Variants in PDE4B observed in about 807,000 individuals in gnomAD.
PDE4B encodes the protein phosphodiesterase 4B.
In PDE4B, 20 loss-of-function variants were observed where a neutral mutation model predicts 82.2. That is an observed-to-expected ratio of 0.24 (90% CI 0.17 to 0.35). The LOEUF (loss-of-function observed/expected upper bound fraction) is 0.35, where lower values mean the gene tolerates loss of function less well. PDE4B is among the 10% of genes least tolerant of loss of function. PDE4B has a pLI of 1.00. For synonymous variants in PDE4B, 320 were observed against 318.9 expected, an observed-to-expected ratio of 1.00 and a Z score of -0.04; for missense variants, 655 against 907.2, an observed-to-expected ratio of 0.72 and a Z score of 3.57.
rs182911054 is a variant in PDE4B, at chr1:65,939,737, T to A, written c.281+20902T>A. Among the ~76,000 whole-genome samples the A allele has an allele frequency of 1.0e-3, 158 of 152,208 alleles. 2 individuals are homozygous for A. The highest frequency in any genetic ancestry group is 7.7e-4 in the East Asian group (4 of 5,168). On this transcript the variant is annotated intron_variant, in intron 3 of 16. Transcript: ENST00000341517. ...ATAATTATTCAAAATAAGTACTAGT[T>A]GTAATTTATATGCAAGGAAAAGCTT...
intron 1 of PDE4B, among the ~76,000 whole-genome samples, chr1:65,883,607 G>A (rs1270030985): frequency 1.3e-5 from 2 of 152,230 alleles, no homozygotes; most frequent in South Asian, 2.1e-4. Context: ...TGCAAACAGG[G>A]AGAATTTGAC....
At chr1:66,238,281 A>G (rs1652620541) in intron 3 of PDE4B, among the ~76,000 whole-genome samples, 1 of 152,204 alleles carries the variant, frequency 6.6e-6, no homozygotes, top group Non-Finnish European at 1.5e-5. Flanking sequence ...ATGTTCTGGA[A>G]CAGAAAGGAA....
At chr1:66,266,382 C>T (rs903583256) in intron 7 of PDE4B, among the ~76,000 whole-genome samples, 7 of 152,192 alleles carry the variant, frequency 4.6e-5, no homozygotes, top group Admixed American at 3.3e-4. Context: ...GTTGTATTGA[C>T]AGTGCAGCTT....
At chr1:66,144,010 C>A (rs1267608637) in intron 3 of PDE4B, among the ~76,000 whole-genome samples, 1 of 152,238 alleles carries the variant, frequency 6.6e-6, no homozygotes, top group East Asian at 1.9e-4. Flanking sequence ...TTTGCTTAAA[C>A]CACTGTAACC....
At chr1:66,051,848 A>G (rs1655045309) in intron 3 of PDE4B, among the ~76,000 whole-genome samples, 1 of 152,156 alleles carries the variant, frequency 6.6e-6, no homozygotes. Flanking sequence ...AGACAAGGTG[A>G]TGTAGCATCC....
intron 7 of PDE4B, among the ~76,000 whole-genome samples, chr1:66,296,183 TC>T: frequency 6.6e-6 from 1 of 152,278 alleles, no homozygotes; most frequent in East Asian, 1.9e-4. Flanking sequence ...TGTTTTTCTT[TC>T]CCACTAGACT....
intron 7 of PDE4B, among the ~76,000 whole-genome samples, chr1:66,303,125 G>T (rs1249555167): frequency 2.0e-5 from 3 of 151,968 alleles, no homozygotes; most frequent in African/African-American, 7.3e-5. Flanking sequence ...TTTCACCATT[G>T]TAACCACAAC....
chr1:66,056,374 T>A (rs929538742), intron 3 of PDE4B, among the ~76,000 whole-genome samples: 1 of 151,524 alleles, frequency 6.6e-6, no homozygotes, highest in African/African-American at 2.4e-5. Flanking sequence ...GTCAGAGACA[T>A]GCAATGCTAA....
intron 3 of PDE4B, among the ~76,000 whole-genome samples, chr1:66,124,958 G>A (rs1414340253): frequency 7.3e-5 from 11 of 151,282 alleles, no homozygotes; most frequent in African/African-American, 2.4e-5. Flanking sequence ...GCGATGGAAT[G>A]GCAGCCTGTC....
At chr1:66,004,468 A>G (rs1203515305) in intron 3 of PDE4B, among the ~76,000 whole-genome samples, 2 of 152,264 alleles carry the variant, frequency 1.3e-5, no homozygotes, top group Non-Finnish European at 1.5e-5. Flanking sequence ...CTTATGTGTT[A>G]TGGTGTGTAA....
intron 3 of PDE4B, among the ~76,000 whole-genome samples, chr1:66,244,666 G>C (rs1046173679): frequency 6.6e-6 from 1 of 152,102 alleles, no homozygotes; most frequent in Non-Finnish European, 1.5e-5. Flanking sequence ...CATCTGTGTT[G>C]GTTGCTTTGA....
chr1:66,289,720 A>T (rs1024258821), intron 7 of PDE4B, among the ~76,000 whole-genome samples: 13 of 151,410 alleles, frequency 8.6e-5, no homozygotes, highest in African/African-American at 2.9e-4. Flanking sequence ...ATATATATAT[A>T]TATTTTTAAA....
intron 1 of PDE4B, among the ~76,000 whole-genome samples, chr1:65,808,018 A>G (rs1250822031): frequency 6.6e-6 from 1 of 152,158 alleles, no homozygotes; most frequent in Non-Finnish European, 1.5e-5. Flanking sequence ...TGTCTGCGTG[A>G]ATACAGAGCA....
intron 6 of PDE4B, among the ~76,000 whole-genome samples, chr1:66,261,105 C>T (rs992812247): frequency 2.0e-5 from 3 of 152,182 alleles, no homozygotes; most frequent in Admixed American, 2.0e-4. Context: ...GTGGTGCAGT[C>T]TAGCTCAGAC....
At chr1:65,819,144 T>C (rs1232186308) in intron 1 of PDE4B, among the ~76,000 whole-genome samples, 3 of 152,178 alleles carry the variant, frequency 2.0e-5, no homozygotes, top group Non-Finnish European at 4.4e-5. Context: ...CCATGTTTCA[T>C]TGGCCAAAGC....
intron 1 of PDE4B, among the ~76,000 whole-genome samples, chr1:65,868,923 C>T (rs1646543021): frequency 6.6e-6 from 1 of 152,200 alleles, no homozygotes; most frequent in Non-Finnish European, 1.5e-5. Flanking sequence ...AACCACCTCC[C>T]TCCCACCACC....
At chr1:65,833,143 A>G (rs1646101566) in intron 1 of PDE4B, among the ~76,000 whole-genome samples, 1 of 152,226 alleles carries the variant, frequency 6.6e-6, no homozygotes, top group South Asian at 2.1e-4. Context: ...CTTCATTGAT[A>G]CAAAGATGTA....
intron 10 of PDE4B, among the ~76,000 whole-genome samples, chr1:66,362,340 G>A (rs1317565982): frequency 2.2e-4 from 33 of 152,196 alleles, no homozygotes; most frequent in Admixed American, 2.2e-3. Context: ...TCCAGTAGTG[G>A]AGGGAGGCAT....
At chr1:66,010,932 GA>G (rs765681046) in intron 3 of PDE4B, among the ~76,000 whole-genome samples, 71 of 151,322 alleles carry the variant, frequency 4.7e-4, no homozygotes, top group Non-Finnish European at 7.8e-4. Flanking sequence ...GAAAGTCAAG[GA>G]AGTGGGAATT....
Sources: gnomAD v4.1 joint callset for allele counts (sites outside exome capture counted in the v4.1 genomes callset) on GRCh38, gnomAD v4.1.1 for gene constraint, MANE v1.5 for transcripts, NCBI Gene and HGNC (gene_info 2026-07-23, HGNC 2026-07-21) for gene names.